The following DPP10 variants were observed in gnomAD, a reference collection of about 807,000 sequenced individuals.
DPP10 encodes dipeptidyl peptidase like 10.
Under a neutral mutation model 120.9 loss-of-function variants are expected in DPP10, and 33 were observed. The observed-to-expected ratio is 0.27, with a 90% CI of 0.21 to 0.37. The LOEUF (loss-of-function observed/expected upper bound fraction) is 0.37, where lower values mean the gene tolerates loss of function less well. Among genes scored for constraint, DPP10 ranks in the 10% least tolerant of loss-of-function variants. The pLI is 1.00. For missense variants in DPP10, 816 were observed against 942.8 expected (o/e 0.87, Z 1.76); for synonymous variants, 337 against 326.1 (o/e 1.03, Z -0.36).
At chr2:115,224,132 G>A (rs2057317701) in intron 1 of DPP10, among the ~76,000 whole-genome samples, 1 of 152,064 alleles carries the variant, frequency 6.6e-6, no homozygotes, top group Admixed American at 6.6e-5. Flanking sequence ...GCAGATTAGT[G>A]AGTGTAAAGT....
intron 4 of DPP10, among the ~76,000 whole-genome samples, chr2:115,503,284 G>C (rs945505042): frequency 6.6e-6 from 1 of 152,126 alleles, no homozygotes; most frequent in Admixed American, 6.6e-5. Context: ...CCTAGAGACA[G>C]CATCAGCTGG....
rs144345064 is a variant in DPP10, at chr2:115,021,323, T to G, written c.61-287916T>G. On this transcript the variant is annotated intron_variant, in intron 1 of 25. Transcript: ENST00000410059. ...AGATTCAAATAAACTGAATTAAAAA[T>G]GAAATGGGAGATATTACAACTGATA... 3.5e-3 allele frequency among the ~76,000 whole-genome samples: 537 copies of G among 152,094 alleles called. 4 individuals carry two copies. The highest frequency in any genetic ancestry group is 0.012 in the African/African-American group (516 of 41,524).
At chr2:114,970,591 T>C (rs1022386380) in intron 1 of DPP10, among the ~76,000 whole-genome samples, 1 of 152,228 alleles carries the variant, frequency 6.6e-6, no homozygotes, top group African/African-American at 2.4e-5. Context: ...ATCTGAACTT[T>C]ACCTACAACC....
At chr2:114,923,188 T>G (rs1410691284) in intron 1 of DPP10, among the ~76,000 whole-genome samples, 1 of 151,734 alleles carries the variant, frequency 6.6e-6, no homozygotes. Context: ...TTTTTCTTTT[T>G]TCTTTTTTTT....
intron 1 of DPP10, among the ~76,000 whole-genome samples, chr2:114,837,820 T>C (rs1687861400): frequency 6.6e-6 from 1 of 152,186 alleles, no homozygotes; most frequent in African/African-American, 2.4e-5. Context: ...TTTATATAGT[T>C]TTCTCACCCA....
intron 1 of DPP10, among the ~76,000 whole-genome samples, chr2:114,755,449 A>G (rs979535637): frequency 2.0e-5 from 3 of 151,958 alleles, no homozygotes; most frequent in Non-Finnish European, 4.4e-5. Context: ...GTGTGCCACC[A>G]TATCCGGCAA....
chr2:114,529,254 T>G (rs1685755472), intron 1 of DPP10, among the ~76,000 whole-genome samples: 1 of 152,172 alleles, frequency 6.6e-6, no homozygotes, highest in Non-Finnish European at 1.5e-5. Context: ...TGCTACATTT[T>G]CTTTAGGCCA....
chr2:115,773,404 G>T (rs1290607519), intron 13 of DPP10, among the ~76,000 whole-genome samples: 1 of 151,988 alleles, frequency 6.6e-6, no homozygotes, highest in Admixed American at 6.6e-5. Context: ...TCACTTGTCT[G>T]GTGTCTAATG....
At chr2:115,730,792 G>T (rs1391576944) in intron 8 of DPP10, among the ~76,000 whole-genome samples, 1 of 152,174 alleles carries the variant, frequency 6.6e-6, no homozygotes, top group African/African-American at 2.4e-5. Flanking sequence ...GATGCTGTAG[G>T]TCTGACGCAT....
At chr2:115,212,055 T>C (rs1387030962) in intron 1 of DPP10, among the ~76,000 whole-genome samples, 1 of 152,174 alleles carries the variant, frequency 6.6e-6, no homozygotes, top group African/African-American at 2.4e-5. Flanking sequence ...CTGCAGTTAC[T>C]TCTCAATGAA....
chr2:115,644,648 C>T (rs1382553409), intron 5 of DPP10, among the ~76,000 whole-genome samples: 10 of 150,834 alleles, frequency 6.6e-5, no homozygotes, highest in Admixed American at 4.0e-4. Flanking sequence ...GGCATGGTGG[C>T]GTGCACCACC....
At chr2:115,475,715 A>G (rs1248525671) in intron 3 of DPP10, among the ~76,000 whole-genome samples, 1 of 152,204 alleles carries the variant, frequency 6.6e-6, no homozygotes, top group African/African-American at 2.4e-5. Flanking sequence ...AAGCCACAGG[A>G]GTGGAGCTGC....
chr2:114,924,056 T>G (rs1013129181), intron 1 of DPP10, among the ~76,000 whole-genome samples: 1 of 152,112 alleles, frequency 6.6e-6, no homozygotes, highest in Non-Finnish European at 1.5e-5. Context: ...AAAATAAATA[T>G]AAGCATTGCC....
intron 1 of DPP10, among the ~76,000 whole-genome samples, chr2:114,602,186 A>G (rs1313787556): frequency 2.0e-5 from 3 of 151,890 alleles, no homozygotes; most frequent in Admixed American, 6.6e-5. Flanking sequence ...GAATTTTCCA[A>G]AAGAAAAAAA....
At chr2:114,801,834 A>T (rs940495556) in intron 1 of DPP10, among the ~76,000 whole-genome samples, 1 of 152,180 alleles carries the variant, frequency 6.6e-6, no homozygotes, top group Admixed American at 6.5e-5. Flanking sequence ...TTCTGTCCAG[A>T]TGCTTGGATT....
chr2:114,699,209 G>A (rs1238670174), intron 1 of DPP10, among the ~76,000 whole-genome samples: 1 of 152,056 alleles, frequency 6.6e-6, no homozygotes, highest in Non-Finnish European at 1.5e-5. Flanking sequence ...ACATCTTGGA[G>A]GTACCATGAA....
At chr2:115,469,902 A>C (rs35869562) in intron 3 of DPP10, among the ~76,000 whole-genome samples, 3 of 82,978 alleles carry the variant, frequency 3.6e-5, no homozygotes, top group South Asian at 4.3e-4. Flanking sequence ...AAAAAAAAGA[A>C]AAAAAAAAAC....
intron 1 of DPP10, among the ~76,000 whole-genome samples, chr2:115,001,652 C>G (rs904658893): frequency 3.3e-5 from 5 of 152,202 alleles, no homozygotes; most frequent in Non-Finnish European, 5.9e-5. Context: ...CTCATGGTCT[C>G]TGCTCCCAAG....
chr2:114,965,964 C>CAAAAAAAAAAAAAA (rs57107624), intron 1 of DPP10, among the ~76,000 whole-genome samples: 66 of 74,762 alleles, frequency 8.8e-4, no homozygotes, highest in East Asian at 2.8e-3. Context: ...GACTCCTTCT[C>CAAAAAAAAAAAAAA]AAAAAAAAAA....
Sources: gnomAD v4.1 joint callset for allele counts (sites outside exome capture counted in the v4.1 genomes callset) on GRCh38, gnomAD v4.1.1 for gene constraint, MANE v1.5 for transcripts, NCBI Gene and HGNC (gene_info 2026-07-23, HGNC 2026-07-21) for gene names.